Variants in LRRC72 observed in about 807,000 individuals in gnomAD.
LRRC72 encodes leucine-rich repeat-containing protein 72.
LRRC72 carries 41 observed loss-of-function variants against 35.8 expected under a neutral mutation model. The observed-to-expected ratio is 1.15, with a 90% confidence interval of 0.89 to 1.49. LRRC72 has a LOEUF of 1.49. Among genes scored for constraint, LRRC72 ranks in the 40% most tolerant of loss-of-function variants. The pLI is 0.00. For synonymous variants in LRRC72, 118 were observed against 119.2 expected (o/e 0.99, Z 0.07); for missense variants, 389 against 330.7 (o/e 1.18, Z -1.37).
intron 1 of LRRC72, among the ~76,000 whole-genome samples, chr7:16,527,780 C>A (rs73295283): frequency 0.016 from 2,456 of 152,164 alleles, 70 homozygotes; most frequent in African/African-American, 0.057. Context: ...CTTGTGCCTG[C>A]GTGTTGCATG....
chr7:16,532,485 A>T lies in LRRC72; in HGVS notation c.91-10A>T. The T allele has an allele frequency of 6.5e-7, 1 of 1,544,600 alleles. No individual in the cohort carries two copies. Among genetic ancestry groups the T allele is most frequent in the Non-Finnish European group, 8.8e-7 (1 of 1,141,512 alleles). On this transcript the variant is annotated splice_polypyrimidine_tract_variant and intron_variant, in intron 1 of 8. Coordinates refer to ENST00000401542, the MANE Select transcript of LRRC72 (RefSeq NM_001195280.2). ...GAATGTAGTTTGACAGATTAATTAT[A>T]TGTTATCAGGCAGTTGAAGATCAGC...
At chr7:16,574,009 CAAAA>C (rs1782994689) in intron 7 of LRRC72, among the ~76,000 whole-genome samples, 1 of 152,152 alleles carries the variant, frequency 6.6e-6, no homozygotes, top group Non-Finnish European at 1.5e-5. Flanking sequence ...AGGCACTTCT[CAAAA>C]GAAAACATTT....
intron 7 of LRRC72, among the ~76,000 whole-genome samples, chr7:16,579,570 C>T (rs980025917): frequency 5.3e-5 from 8 of 152,114 alleles, no homozygotes; most frequent in Middle Eastern, 3.4e-3. Flanking sequence ...AGCTTCAAAG[C>T]TAGGAAGATC....
intron 3 of LRRC72, among the ~76,000 whole-genome samples, chr7:16,555,530 C>T (rs1173871891): frequency 3.3e-5 from 5 of 152,124 alleles, no homozygotes; most frequent in African/African-American, 4.8e-5. Flanking sequence ...CCCAGCAATT[C>T]GGGAGGCCAA....
chr7:16,536,111 G>T (rs1054769893), intron 2 of LRRC72, among the ~76,000 whole-genome samples: 2 of 152,110 alleles, frequency 1.3e-5, no homozygotes, highest in African/African-American at 4.8e-5. Context: ...GACCTTAGGT[G>T]ATCCATCCAC....
At chr7:16,565,512 G>A (rs369303445) in intron 5 of LRRC72, among the ~76,000 whole-genome samples, 17 of 151,616 alleles carry the variant, frequency 1.1e-4, no homozygotes, top group African/African-American at 4.1e-4. Flanking sequence ...TTATCATCTA[G>A]GATGAATAGG....
chr7:16,540,707 C>T (rs1260586811), intron 3 of LRRC72, among the ~76,000 whole-genome samples: 2 of 152,070 alleles, frequency 1.3e-5, no homozygotes, highest in African/African-American at 4.8e-5. Flanking sequence ...TGAATGAGTT[C>T]TCATGAGATC....
At chr7:16,566,205 A>G (rs999388087) in intron 5 of LRRC72, 108 bp from the exon 6 acceptor site, 3 of 640,954 alleles carry the variant, frequency 4.7e-6, no homozygotes, top group Non-Finnish European at 7.5e-6. Flanking sequence ...GAAGAGCTTT[A>G]CAAGTTCTTA....
chr7:16,547,267 C>T (rs182128853), intron 3 of LRRC72, among the ~76,000 whole-genome samples: 89 of 152,192 alleles, frequency 5.8e-4, no homozygotes, highest in Admixed American at 9.8e-4. Context: ...GGGGCCAGGC[C>T]GAGTCACCCA....
intron 1 of LRRC72, among the ~76,000 whole-genome samples, 188 bp from the exon 2 acceptor site, chr7:16,532,307 T>C (rs2301966): frequency 0.094 from 14,260 of 152,190 alleles, 799 homozygotes; most frequent in East Asian, 0.2. Context: ...TTAAGGATAA[T>C]GAAATTCAAC....
At chr7:16,541,604 CA>C (rs1391036963) in intron 3 of LRRC72, among the ~76,000 whole-genome samples, 1 of 152,128 alleles carries the variant, frequency 6.6e-6, no homozygotes, top group Non-Finnish European at 1.5e-5. Flanking sequence ...CATACAAATT[CA>C]AAACACTTTT....
In LRRC72 at chr7:16,557,419, C is replaced by A. The variant is rs867585838; in HGVS notation, c.294C>A (p.Asn98Lys). 202 of 1,301,604 alleles carry A rather than the reference C, an allele frequency of 1.6e-4. No individual in the cohort carries two copies. The East Asian group carries it at 5.9e-3, about 38-fold the overall frequency. 80.6% of individuals were successfully genotyped at this position (1,301,604 alleles called of 1,614,324 possible). A position where few individuals can be genotyped will look rare whatever the true frequency, so the allele number is the denominator to read the frequency against. ...GTCTGACAGAACTATATCTAAACAA[C>A]AATGCAATATTTGAGATAGAAGGTA... is the stretch of plus-strand genomic sequence containing the variant. Reference protein sequence around the residue: ...NYCLTELYLNNNAIFEIEGLH... With the variant: ...NYCLTELYLNKNAIFEIEGLH... Residue 98 changes from asparagine to lysine, a missense_variant, in exon 4 of 9, where the codon AAC becomes AAA. Transcript: ENST00000401542.
chr7:16,574,818 T>C lies in LRRC72; in HGVS notation c.671-5256T>C, dbSNP rs533393941. ...ATAATAAAATATATATATATATATT[T>C]TATACTTGTCTAACTCACCAGGCAT... On this transcript the variant is annotated intron_variant, in intron 7 of 8. Coordinates refer to ENST00000401542, the MANE Select transcript of LRRC72 (RefSeq NM_001195280.2). Among the ~76,000 whole-genome samples the C allele has an allele frequency of 3.7e-3, 554 of 151,606 alleles. 4 individuals carry two copies. Among genetic ancestry groups the C allele is most frequent in the Non-Finnish European group, 6.0e-3 (407 of 67,898 alleles).
chr7:16,577,398 T>C (rs1309543776), intron 7 of LRRC72, among the ~76,000 whole-genome samples: 1 of 152,038 alleles, frequency 6.6e-6, no homozygotes, highest in Non-Finnish European at 1.5e-5. Context: ...TCCAGAGAGA[T>C]TGAATATCTA....
chr7:16,547,452 G>A (rs1424459380), intron 3 of LRRC72, among the ~76,000 whole-genome samples: 2 of 152,120 alleles, frequency 1.3e-5, no homozygotes, highest in East Asian at 3.9e-4. Context: ...TTGGGATCTG[G>A]GAGCAGGCAG....
intron 5 of LRRC72, among the ~76,000 whole-genome samples, chr7:16,562,427 G>C (rs1253091375): frequency 6.6e-6 from 1 of 152,168 alleles, no homozygotes; most frequent in African/African-American, 2.4e-5. Context: ...TAAACCTTCA[G>C]TTTTCTCGTT....
chr7:16,553,970 T>G (rs1476147846), intron 3 of LRRC72, among the ~76,000 whole-genome samples: 1 of 152,220 alleles, frequency 6.6e-6, no homozygotes, highest in African/African-American at 2.4e-5. Context: ...AATGCCACAC[T>G]TAATATAAAT....
intron 1 of LRRC72, among the ~76,000 whole-genome samples, chr7:16,528,574 A>G (rs879496975): frequency 2.0e-5 from 3 of 151,904 alleles, no homozygotes; most frequent in Admixed American, 2.0e-4. Flanking sequence ...CCCATGTCAT[A>G]TCTGTTCACT....
At chr7:16,562,130 G>A (rs1054176642) in intron 5 of LRRC72, among the ~76,000 whole-genome samples, 14 of 152,138 alleles carry the variant, frequency 9.2e-5, no homozygotes, top group African/African-American at 3.1e-4. Context: ...TAAACCAGCT[G>A]CAGAGTGTGA....
Sources: allele counts gnomAD v4.1 joint callset (sites outside exome capture counted in the v4.1 genomes callset), GRCh38; gene constraint gnomAD v4.1.1; transcripts MANE v1.5; gene names NCBI Gene and HGNC (gene_info 2026-07-23, HGNC 2026-07-21).